Variants in TRPC3 observed in about 807,000 individuals in gnomAD.
TRPC3 encodes the protein short transient receptor potential channel 3.
TRPC3 carries 54 observed loss-of-function variants against 90.9 expected under a neutral mutation model. The observed-to-expected ratio is 0.59, with a 90% CI of 0.48 to 0.75. TRPC3 has a LOEUF of 0.75. Ranked by LOEUF, TRPC3 falls within the 30% of genes least tolerant of loss-of-function variation. The probability of loss-of-function intolerance (pLI) is 0.00; values close to 1 mark genes in which losing one functional copy is unlikely to be tolerated. For missense variants in TRPC3, 918 were observed against 1,194.5 expected (o/e 0.77, Z 3.41); for synonymous variants, 424 against 450.9 (o/e 0.94, Z 0.75).
chr4:121,910,674 G>T (rs1729052633), intron 5 of TRPC3, among the ~76,000 whole-genome samples: 1 of 152,094 alleles, frequency 6.6e-6, no homozygotes, highest in Non-Finnish European at 1.5e-5. Flanking sequence ...GGTGGAGGGG[G>T]GTGAGGAGAA....
rs747375629 is a variant in TRPC3, at chr4:121,932,706, G to A, written c.552C>T (p.Ser184=). The change falls in exon 2 of 12, where the codon AGC becomes AGT. Residue 184 remains serine (S), a synonymous_variant. Transcript: ENST00000379645. The surrounding 1 kb of genome is among the most constrained non-coding windows in gnomAD (Gnocchi z 7.7). ...CCTCTACGATGCGCACGTAGCCCTT[G>A]CTGATGGCGAGCAGCAGGGCGTCGC... The part of the protein sequence containing the change: ...RIGDALLLAI[S]KGYVRIVEAI... 6.2e-7 allele frequency: 1 copy of A among 1,613,810 alleles called. No homozygotes were observed. The highest frequency in any genetic ancestry group is 2.2e-5 in the East Asian group (1 of 44,868).
At chr4:121,880,958 C>CA (rs111796135) in intron 11 of TRPC3, among the ~76,000 whole-genome samples, 6,555 of 128,180 alleles carry the variant, frequency 0.051, 299 homozygotes, top group East Asian at 0.2. Context: ...CCTTTTGTGG[C>CA]AAAAAAAAAA....
chr4:121,940,879 C>A (rs1164626702), intron 1 of TRPC3, among the ~76,000 whole-genome samples: 2 of 152,116 alleles, frequency 1.3e-5, no homozygotes, highest in African/African-American at 4.8e-5. Flanking sequence ...ATGTTTTATT[C>A]TTGACATATT....
rs1461192282 is a variant in TRPC3, at chr4:121,876,525, A to G, written c.*3211T>C. Among the ~76,000 whole-genome samples, 10 of 152,178 alleles carry G rather than the reference A, an allele frequency of 6.6e-5. No individual in the cohort carries two copies. The highest frequency in any genetic ancestry group is 2.4e-4 in the African/African-American group (10 of 41,436). ...CTCTTTAGACATTGTCCATCAGACA[A>G]TTTATCTTCCCATTTACAAAAGCTG... On this transcript the variant is annotated 3_prime_UTR_variant, in exon 12 of 12. Coordinates refer to ENST00000379645, the MANE Select transcript of TRPC3 (RefSeq NM_001130698.2).
At position 121,925,204 on chromosome 4, in the gene TRPC3, ATTCTAAGAACAAGAGG is replaced by A. The variant is rs1208695459; in HGVS notation, c.988-14_989del. On this transcript the variant is annotated splice_acceptor_variant and splice_polypyrimidine_tract_variant and coding_sequence_variant and intron_variant, in exon 3 of 12. Transcript: ENST00000379645. LOFTEE classifies it high-confidence loss of function. The stretch of plus-strand genomic sequence containing the variant: ...ATTGCATGGAGAGCTTCCGATAGTC[ATTCTAAGAACAAGAGG>A]TTTAGTGTTTTAACACAAATAATTT... 1 of 1,607,712 alleles carries A rather than the reference ATTCTAAGAACAAGAGG, an allele frequency of 6.2e-7. No individual in the cohort carries two copies. The highest frequency in any genetic ancestry group is 1.3e-5 in the African/African-American group (1 of 74,650).
rs561597831 is a variant in TRPC3, at chr4:121,934,174, T to C, written c.216-1132A>G. ...AGTTCACATCTTAATTTCTGTGATG[T>C]TAGGTAAATAATTTCATTTCCTTGT... On this transcript the variant is annotated intron_variant, in intron 1 of 11. Coordinates refer to ENST00000379645, the MANE Select transcript of TRPC3 (RefSeq NM_001130698.2). Among the ~76,000 whole-genome samples, 27 of 152,338 alleles carry C rather than the reference T, an allele frequency of 1.8e-4. 1 individual carries two copies. The South Asian group carries it at 2.3e-3, about 13-fold the overall frequency.
At chr4:121,885,125 G>A (rs1361486950) in intron 10 of TRPC3, among the ~76,000 whole-genome samples, 1 of 152,202 alleles carries the variant, frequency 6.6e-6, no homozygotes, top group Non-Finnish European at 1.5e-5. Flanking sequence ...AGGTACCTGA[G>A]ATTAGACAGA....
chr4:121,903,016 A>C lies in TRPC3; in HGVS notation c.2299T>G (p.Leu767Val). The change falls in exon 9 of 12, where the codon TTA becomes GTA. Residue 767 changes from leucine to valine, a missense_variant. By Grantham distance (32) the Leu-to-Val change is conservative. This residue lies in a region of TRPC3 where 121 missense variants were observed against 135.7 expected (regional missense o/e 0.89). Transcript: ENST00000379645. ...EWKFARSKLW[L>V]SYFDDGKTLP... ...GTTTTTCCATCATCAAAATAGGATA[A>C]CCAAAGTTTTGAACGAGCAAACTTC... is the stretch of plus-strand genomic sequence containing the variant. 1 of 1,613,458 alleles carries C rather than the reference A, an allele frequency of 6.2e-7. No homozygotes were observed. The highest frequency in any genetic ancestry group is 8.5e-7 in the Non-Finnish European group (1 of 1,179,728).
At chr4:121,944,468 G>A (rs900862135) in intron 1 of TRPC3, among the ~76,000 whole-genome samples, 1 of 151,860 alleles carries the variant, frequency 6.6e-6, no homozygotes, top group African/African-American at 2.4e-5. Context: ...CAGAGGAAAA[G>A]CTCAATGTTT....
At chr4:121,918,414 C>A (rs1017636264) in intron 3 of TRPC3, among the ~76,000 whole-genome samples, 1 of 152,218 alleles carries the variant, frequency 6.6e-6, no homozygotes, top group African/African-American at 2.4e-5. Flanking sequence ...TCCTACTCCT[C>A]CTCCTTGGAC....
At chr4:121,943,671 T>G (rs1730396308) in intron 1 of TRPC3, among the ~76,000 whole-genome samples, 2 of 152,202 alleles carry the variant, frequency 1.3e-5, no homozygotes, top group Admixed American at 1.3e-4. Flanking sequence ...ATTAAGGAAC[T>G]TCTACTGACC....
rs546595194 is a variant in TRPC3 at position 121,937,319 on chromosome 4, C to A, written c.216-4277G>T. Among the ~76,000 whole-genome samples the A allele has an allele frequency of 4.6e-5, 7 of 152,322 alleles. 1 individual carries two copies. In the South Asian group the frequency reaches 1.5e-3, roughly 32 times the overall value. ...AATGGAGCATCCTGGATCAAGGACC[C>A]CTGGCTATGAGGCCTTCAAGCAGTT... On this transcript the variant is annotated intron_variant, in intron 1 of 11. Coordinates refer to ENST00000379645, the MANE Select transcript of TRPC3 (RefSeq NM_001130698.2).
chr4:121,874,897 T>G lies in TRPC3; in HGVS notation c.*4839A>C, dbSNP rs1297244637. ...CCTGTAGTCTCAGCTATTTGAAGGCTGAGGCTCAAGATTGCTTGAGCCCAA... is the reference window on the plus strand; with the variant it reads ...CCTGTAGTCTCAGCTATTTGAAGGCGGAGGCTCAAGATTGCTTGAGCCCAA... On this transcript the variant is annotated 3_prime_UTR_variant, in exon 12 of 12. Transcript: ENST00000379645. Among the ~76,000 whole-genome samples, 1 of 152,076 alleles carries G rather than the reference T, an allele frequency of 6.6e-6. No individual in the cohort carries two copies. Among genetic ancestry groups the G allele is most frequent in the Admixed American group, 6.6e-5 (1 of 15,264 alleles).
chr4:121,904,628 C>T, intron 7 of TRPC3, 111 bp from the exon 8 acceptor site: 1 of 626,660 alleles, frequency 1.6e-6, no homozygotes, highest in African/African-American at 1.9e-5. Context: ...AAAATGCCAC[C>T]ATAATATACT....
At chr4:121,935,028 T>C (rs532772600) in intron 1 of TRPC3, among the ~76,000 whole-genome samples, 1 of 152,272 alleles carries the variant, frequency 6.6e-6, no homozygotes, top group East Asian at 1.9e-4. Context: ...TTTCTAGAAA[T>C]CAACACATGA....
chr4:121,916,198 C>T (rs535513767), intron 3 of TRPC3, among the ~76,000 whole-genome samples: 1 of 152,218 alleles, frequency 6.6e-6, no homozygotes, highest in South Asian at 2.1e-4. Context: ...CAAGGAAATG[C>T]ACAGGTTTCC....
At chr4:121,887,041 T>A (rs1231594665) in intron 10 of TRPC3, among the ~76,000 whole-genome samples, 2 of 152,158 alleles carry the variant, frequency 1.3e-5, no homozygotes, top group African/African-American at 4.8e-5. Flanking sequence ...AAATTCTAGG[T>A]ACATGAAGAT....
At chr4:121,948,080 G>C (rs1467847388) in intron 1 of TRPC3, among the ~76,000 whole-genome samples, 1 of 151,612 alleles carries the variant, frequency 6.6e-6, no homozygotes, top group Non-Finnish European at 1.5e-5. Context: ...ACACAACTGT[G>C]TAACAATTCC....
At chr4:121,900,745 G>C (rs1728672978) in intron 9 of TRPC3, among the ~76,000 whole-genome samples, 1 of 152,200 alleles carries the variant, frequency 6.6e-6, no homozygotes, top group African/African-American at 2.4e-5. Context: ...TAATATTAAA[G>C]AGATGTAAAC....
Sources: gnomAD v4.1 joint callset for allele counts (sites outside exome capture counted in the v4.1 genomes callset) on GRCh38, gnomAD v4.1.1 for gene constraint, gnomAD v4.1.1 regional missense constraint, Gnocchi (gnomAD v3.1) non-coding constraint, MANE v1.5 for transcripts, NCBI Gene and HGNC (gene_info 2026-07-23, HGNC 2026-07-21) for gene names.